NTNG1: variants seen among roughly 807,000 people sequenced by gnomAD.
The protein encoded by NTNG1 is netrin G1.
A neutral mutation model predicts 54.0 loss-of-function variants in NTNG1; 16 were observed. The observed-to-expected ratio is 0.30, with a 90% CI of 0.20 to 0.45. NTNG1 has a LOEUF of 0.45. Ranked by LOEUF, NTNG1 falls within the 20% of genes least tolerant of loss-of-function variation. The pLI, the probability that NTNG1 is intolerant of heterozygous loss-of-function variation, is 1.00. For synonymous variants in NTNG1, 255 were observed against 263.1 expected (o/e 0.97, Z 0.30); for missense variants, 530 against 678.7 (o/e 0.78, Z 2.43).
chr1:107,408,162 G>C (rs1557974438), intron 5 of NTNG1: 1 of 243,176 alleles, frequency 4.1e-6, no homozygotes, highest in Non-Finnish European at 8.2e-6. Context: ...AAAAGTCCAT[G>C]ATACCAAGGG....
intron 2 of NTNG1, among the ~76,000 whole-genome samples, chr1:107,266,616 G>GTTTT (rs545857167): frequency 0.012 from 1,576 of 131,974 alleles, 26 homozygotes; most frequent in African/African-American, 0.045. Context: ...TAGCAACATT[G>GTTTT]TTTTTTTTTT....
intron 2 of NTNG1, among the ~76,000 whole-genome samples, chr1:107,242,403 G>A (rs1339253601): frequency 6.6e-6 from 1 of 152,052 alleles, no homozygotes; most frequent in Non-Finnish European, 1.5e-5. Flanking sequence ...TTTTTATGAA[G>A]TATATCCAAA....
chr1:107,265,144 A>G (rs1032528819), intron 2 of NTNG1, among the ~76,000 whole-genome samples: 2 of 152,180 alleles, frequency 1.3e-5, no homozygotes, highest in African/African-American at 2.4e-5. Flanking sequence ...ATTCTATCTC[A>G]GTTTCCTCTC....
At position 107,430,933 on chromosome 1, in the gene NTNG1, A is replaced by G. The variant is rs747360969; in HGVS notation, c.1255+16A>G. 1.2e-6 allele frequency: 2 copies of G among 1,609,870 alleles called. No homozygotes were observed. Among genetic ancestry groups the G allele is most frequent in the Non-Finnish European group, 1.7e-6 (2 of 1,177,392 alleles). On this transcript the variant is annotated intron_variant, in intron 6 of 7. Coordinates refer to ENST00000370068, the MANE Select transcript of NTNG1 (RefSeq NM_001113226.3). ...GTGTGCATAGGTCAGTTCCATTACAATTTCAGCTATTCTTCTGTGCCTTTT... is the reference window on the plus strand; with the variant it reads ...GTGTGCATAGGTCAGTTCCATTACAGTTTCAGCTATTCTTCTGTGCCTTTT...
chr1:107,299,512 T>A (rs1036997030), intron 2 of NTNG1, among the ~76,000 whole-genome samples: 18 of 152,212 alleles, frequency 1.2e-4, no homozygotes, highest in Non-Finnish European at 2.2e-4. Context: ...TTTTAAGGAC[T>A]TTACGTATCT....
At chr1:107,305,186 G>A (rs1402104282) in intron 2 of NTNG1, among the ~76,000 whole-genome samples, 1 of 152,162 alleles carries the variant, frequency 6.6e-6, no homozygotes, top group Non-Finnish European at 1.5e-5. Context: ...GAACAGTGCT[G>A]CAATAAACAT....
At chr1:107,370,361 T>C (rs1670846426) in intron 3 of NTNG1, among the ~76,000 whole-genome samples, 1 of 151,852 alleles carries the variant, frequency 6.6e-6, no homozygotes, top group African/African-American at 2.4e-5. Context: ...TTTTTTTCAA[T>C]TTTTGTCTCC....
At chr1:107,303,279 C>T (rs1666434868) in intron 2 of NTNG1, among the ~76,000 whole-genome samples, 1 of 152,090 alleles carries the variant, frequency 6.6e-6, no homozygotes, top group African/African-American at 2.4e-5. Context: ...TTTGAAATTG[C>T]CTAAAATCAA....
chr1:107,161,479 G>A (rs1655390294), intron 2 of NTNG1, among the ~76,000 whole-genome samples: 1 of 151,814 alleles, frequency 6.6e-6, no homozygotes, highest in Admixed American at 6.6e-5. Flanking sequence ...TGGCCAACAT[G>A]GCAAAACCCC....
chr1:107,263,768 T>A (rs1663535216), intron 2 of NTNG1, among the ~76,000 whole-genome samples: 1 of 152,212 alleles, frequency 6.6e-6, no homozygotes, highest in African/African-American at 2.4e-5. Flanking sequence ...GGCACTTGCC[T>A]TTATTAATTT....
chr1:107,254,771 C>G (rs1399113674), intron 2 of NTNG1, among the ~76,000 whole-genome samples: 1 of 152,124 alleles, frequency 6.6e-6, no homozygotes, highest in Admixed American at 6.5e-5. Flanking sequence ...CTGAGCTAAT[C>G]TCTCCATTTG....
chr1:107,307,162 A>C (rs4244128), intron 2 of NTNG1, among the ~76,000 whole-genome samples: 1 of 152,214 alleles, frequency 6.6e-6, no homozygotes, highest in African/African-American at 2.4e-5. Context: ...CACAAGAATA[A>C]CTTGGGACCT....
At chr1:107,296,773 A>T (rs1360126184) in intron 2 of NTNG1, among the ~76,000 whole-genome samples, 1 of 148,454 alleles carries the variant, frequency 6.7e-6, no homozygotes, top group Non-Finnish European at 1.5e-5. Flanking sequence ...TATATATGTT[A>T]TGTAATATAA....
In NTNG1 at chr1:107,221,026, C is replaced by A. The variant is rs1306673325; in HGVS notation, c.246+72187C>A. Among the ~76,000 whole-genome samples the A allele has an allele frequency of 2.6e-5, 4 of 152,142 alleles. No individual in the cohort carries two copies. In the South Asian group the frequency reaches 8.3e-4, roughly 32 times the overall value. The stretch of plus-strand genomic sequence containing the variant: ...AATCATTTACCTCCTCTAAGCCTGG[C>A]AAACTTTGTATGTAAAATAAAGGTA... On this transcript the variant is annotated intron_variant, in intron 2 of 7. Coordinates refer to ENST00000370068, the MANE Select transcript of NTNG1 (RefSeq NM_001113226.3).
chr1:107,388,024 T>C (rs984057477), intron 3 of NTNG1, among the ~76,000 whole-genome samples: 3 of 152,212 alleles, frequency 2.0e-5, no homozygotes, highest in African/African-American at 4.8e-5. Context: ...CTGTTTATAG[T>C]CTGTAGTTAT....
rs112959924 is a variant in NTNG1 at position 107,217,250 on chromosome 1, C to T, written c.246+68411C>T. Among the ~76,000 whole-genome samples, 978 of 152,212 alleles carry T rather than the reference C, an allele frequency of 6.4e-3. 10 individuals are homozygous for T. Among genetic ancestry groups the T allele is most frequent in the African/African-American group, 0.022 (924 of 41,540 alleles). On this transcript the variant is annotated intron_variant, in intron 2 of 7. Coordinates refer to ENST00000370068, the MANE Select transcript of NTNG1 (RefSeq NM_001113226.3). ...TGCATGTAACTGTGTTCACAGTAGC[C>T]TTGAATGACCTTCTGTATTTCTGTG...
At chr1:107,437,057 T>C (rs483206) in intron 7 of NTNG1, among the ~76,000 whole-genome samples, 1 of 151,780 alleles carries the variant, frequency 6.6e-6, no homozygotes, top group Non-Finnish European at 1.5e-5. Context: ...CATATACCCG[T>C]CCAGACCATA....
chr1:107,414,643 C>G (rs1399386528), intron 5 of NTNG1, among the ~76,000 whole-genome samples: 1 of 152,074 alleles, frequency 6.6e-6, no homozygotes. Flanking sequence ...CATTATTTTC[C>G]TACTTCGAGT....
At chr1:107,362,753 A>G (rs1171672097) in intron 3 of NTNG1, among the ~76,000 whole-genome samples, 3 of 152,240 alleles carry the variant, frequency 2.0e-5, no homozygotes, top group Non-Finnish European at 4.4e-5. Flanking sequence ...TGTAAACTGT[A>G]AAGCACAAGG....
Sources: gnomAD v4.1 joint callset for allele counts (sites outside exome capture counted in the v4.1 genomes callset) on GRCh38, gnomAD v4.1.1 for gene constraint, MANE v1.5 for transcripts, NCBI Gene and HGNC (gene_info 2026-07-23, HGNC 2026-07-21) for gene names.